Variants in CTIF observed in about 807,000 individuals in gnomAD.
The protein encoded by CTIF is cap binding complex dependent translation initiation factor, also known as CBP80/20-dependent translation initiation factor.
CTIF carries 21 observed loss-of-function variants against 66.0 expected under a neutral mutation model. The observed-to-expected ratio is 0.32, with a 90% CI of 0.23 to 0.46. The LOEUF is 0.46. Ranked by LOEUF, CTIF falls within the 20% of genes least tolerant of loss-of-function variation. The probability of loss-of-function intolerance (pLI) is 1.00; values close to 1 mark genes in which losing one functional copy is unlikely to be tolerated. For synonymous variants in CTIF, 345 were observed against 326.4 expected (o/e 1.06, Z -0.62); for missense variants, 739 against 812.7 (o/e 0.91, Z 1.10).
At chr18:48,756,688 G>C (rs1472350786) in intron 7 of CTIF, among the ~76,000 whole-genome samples, 1 of 152,204 alleles carries the variant, frequency 6.6e-6, no homozygotes, top group East Asian at 1.9e-4. Context: ...GGGTAAAATG[G>C]AGTTTGAACA....
At chr18:48,658,653 T>G (rs2091286931) in intron 3 of CTIF, among the ~76,000 whole-genome samples, 1 of 152,114 alleles carries the variant, frequency 6.6e-6, no homozygotes, top group African/African-American at 2.4e-5. Context: ...ATTATGTGGA[T>G]GTGTGTGGAT....
intron 1 of CTIF, among the ~76,000 whole-genome samples, chr18:48,594,006 C>A (rs1044671564): frequency 2.6e-5 from 4 of 152,234 alleles, no homozygotes; most frequent in Non-Finnish European, 5.9e-5. Context: ...TGACATGGAC[C>A]AAAGAGGTGA....
chr18:48,672,199 G>A (rs1376321382), intron 6 of CTIF, among the ~76,000 whole-genome samples: 14 of 151,440 alleles, frequency 9.2e-5, no homozygotes. Context: ...TTGCGGTCCT[G>A]TGAGAGCACA....
At chr18:48,823,796 G>A (rs1451049140) in intron 10 of CTIF, among the ~76,000 whole-genome samples, 2 of 150,330 alleles carry the variant, frequency 1.3e-5, no homozygotes, top group African/African-American at 5.0e-5. Context: ...TCCAATCAAA[G>A]ATCAGGAATA....
intron 10 of CTIF, chr18:48,825,929 G>A (rs748997566): frequency 1.3e-5 from 2 of 152,176 alleles, no homozygotes; most frequent in Non-Finnish European, 2.9e-5. Context: ...TCCGGCCAAG[G>A]TTAAGGAACA....
At position 48,796,294 on chromosome 18, in the gene CTIF, C is replaced by G. The variant is rs546749202; in HGVS notation, c.1372-20927C>G. Among the ~76,000 whole-genome samples, 78 of 152,318 alleles carry G rather than the reference C, an allele frequency of 5.1e-4. No individual in the cohort carries two copies. The East Asian group carries it at 0.013, about 25-fold the overall frequency. ...GTTCATGCCATTCTCCTGCCTCAGCCTCCCGAGTAGCTGGGACTACAGGCG... is the reference window on the plus strand; with the variant it reads ...GTTCATGCCATTCTCCTGCCTCAGCGTCCCGAGTAGCTGGGACTACAGGCG... On this transcript the variant is annotated intron_variant, in intron 9 of 11. Transcript: ENST00000256413.
intron 9 of CTIF, among the ~76,000 whole-genome samples, chr18:48,812,148 G>A (rs953560746): frequency 2.6e-5 from 4 of 152,224 alleles, no homozygotes; most frequent in African/African-American, 7.2e-5. Flanking sequence ...ATTTTTAGTA[G>A]AGGCGGGGTT....
chr18:48,708,655 G>A (rs2092189196), intron 6 of CTIF, among the ~76,000 whole-genome samples: 1 of 152,184 alleles, frequency 6.6e-6, no homozygotes, highest in Admixed American at 6.5e-5. Context: ...ACCTCAGAGG[G>A]TGCAAGGCTT....
chr18:48,762,953 T>G (rs1016171708), intron 9 of CTIF, among the ~76,000 whole-genome samples: 2 of 152,242 alleles, frequency 1.3e-5, no homozygotes, highest in Non-Finnish European at 2.9e-5. Flanking sequence ...CAGCCTGGGC[T>G]GCTTCTCTCC....
intron 1 of CTIF, among the ~76,000 whole-genome samples, chr18:48,555,297 C>T (rs2145571984): frequency 6.6e-6 from 1 of 152,308 alleles, no homozygotes; most frequent in East Asian, 1.9e-4. Flanking sequence ...CCAAAATAAT[C>T]TGTGGCAAAG....
chr18:48,621,921 C>T (rs567618220), intron 2 of CTIF, among the ~76,000 whole-genome samples: 1 of 152,330 alleles, frequency 6.6e-6, no homozygotes, highest in South Asian at 2.1e-4. Context: ...TCCCCAGCCC[C>T]CAGCGGTTCA....
intron 8 of CTIF, 150 bp downstream of exon 8, chr18:48,758,555 G>C (rs1908650649): frequency 1.0e-6 from 1 of 953,872 alleles, no homozygotes; most frequent in South Asian, 1.7e-5. Flanking sequence ...TCACTGTGGG[G>C]ACCAACCACA....
chr18:48,711,833 T>TTGGTTAC (rs1346414817), intron 7 of CTIF, 138 bp downstream of exon 7: 3 of 715,020 alleles, frequency 4.2e-6, no homozygotes, highest in Non-Finnish European at 7.3e-6. Context: ...GCATCGTGGG[T>TTGGTTAC]TGGTTACTGG....
At chr18:48,549,190 G>A (rs1414646175) in intron 1 of CTIF, among the ~76,000 whole-genome samples, 1 of 152,188 alleles carries the variant, frequency 6.6e-6, no homozygotes. Flanking sequence ...GTGCACAAGA[G>A]GAATTGGCAG....
chr18:48,782,684 C>T (rs976845557), intron 9 of CTIF, among the ~76,000 whole-genome samples: 16 of 152,198 alleles, frequency 1.1e-4, no homozygotes, highest in Non-Finnish European at 1.9e-4. Flanking sequence ...AAGCTGCAGG[C>T]GGACAGGTCC....
chr18:48,699,611 A>G (rs985278426), intron 6 of CTIF, among the ~76,000 whole-genome samples: 2 of 152,204 alleles, frequency 1.3e-5, no homozygotes, highest in Non-Finnish European at 2.9e-5. Flanking sequence ...GCAGGTGCAC[A>G]AAGACCACAG....
chr18:48,853,737 G>T (rs561973334), intron 10 of CTIF, among the ~76,000 whole-genome samples: 4 of 152,254 alleles, frequency 2.6e-5, no homozygotes, highest in African/African-American at 9.6e-5. Context: ...CAAGCCTGCC[G>T]TGGGTCCTCA....
At chr18:48,664,053 G>T (rs941828589) in intron 4 of CTIF, among the ~76,000 whole-genome samples, 1 of 152,164 alleles carries the variant, frequency 6.6e-6, no homozygotes, top group African/African-American at 2.4e-5. Context: ...TGCAGAGGCT[G>T]GGCCCCGCTT....
In CTIF at chr18:48,857,572, C is replaced by A; in HGVS notation, c.1528-16C>A. ...ATGTCTCCTTCAGTGGTGCTCTCTGCCCCTCTCTTCCACAGCTCTTGCAAT... is the reference window on the plus strand; with the variant it reads ...ATGTCTCCTTCAGTGGTGCTCTCTGACCCTCTCTTCCACAGCTCTTGCAAT... On this transcript the variant is annotated splice_polypyrimidine_tract_variant and intron_variant, in intron 10 of 11. Transcript: ENST00000256413. The A allele has an allele frequency of 1.2e-6, 2 of 1,606,030 alleles. No individual in the cohort carries two copies. Among genetic ancestry groups the A allele is most frequent in the South Asian group, 1.1e-5 (1 of 89,364 alleles).
Sources: gnomAD v4.1 joint callset for allele counts (sites outside exome capture counted in the v4.1 genomes callset) on GRCh38, gnomAD v4.1.1 for gene constraint, MANE v1.5 for transcripts, NCBI Gene and HGNC (gene_info 2026-07-23, HGNC 2026-07-21) for gene names.